LMNA: variants seen among roughly 807,000 people sequenced by gnomAD.
The protein encoded by LMNA is lamin.
Under a neutral mutation model 70.4 loss-of-function variants are expected in LMNA, and 20 were observed. The ratio of observed to expected loss-of-function variants is 0.28; its 90% CI spans 0.20 to 0.41. LMNA has a LOEUF of 0.41. Ranked by LOEUF, LMNA falls within the 10% of genes least tolerant of loss-of-function variation. The pLI is 1.00. For synonymous variants in LMNA, 339 were observed against 372.8 expected (o/e 0.91, Z 1.04); for missense variants, 652 against 917.2 (o/e 0.71, Z 3.73).
chr1:156,084,551 C>G (rs1171016231), intron 2 of LMNA, among the ~76,000 whole-genome samples: 1 of 152,086 alleles, frequency 6.6e-6, no homozygotes, highest in Admixed American at 6.5e-5. Context: ...ATTAGAGAGA[C>G]AGGGCCCTGG....
intron 1 of LMNA, among the ~76,000 whole-genome samples, chr1:156,116,238 G>A (rs1370406707): frequency 6.6e-6 from 1 of 152,132 alleles, no homozygotes; most frequent in Non-Finnish European, 1.5e-5. Flanking sequence ...AGCTGCTGAC[G>A]TTTTGATCTT....
intron 1 of LMNA, among the ~76,000 whole-genome samples, chr1:156,123,907 G>A (rs970674153): frequency 3.3e-5 from 5 of 152,148 alleles, no homozygotes; most frequent in Admixed American, 6.6e-5. Flanking sequence ...AGTTGCGTCT[G>A]AACATGTCAA....
chr1:156,105,386 G>A (rs888022063), intron 3 of LMNA, among the ~76,000 whole-genome samples: 3 of 116,514 alleles, frequency 2.6e-5, no homozygotes, highest in African/African-American at 9.2e-5. Flanking sequence ...CCCACAGGGC[G>A]GAGACCCCAG....
intron 1 of LMNA, among the ~76,000 whole-genome samples, chr1:156,121,921 G>A (rs1029086335): frequency 1.3e-4 from 20 of 152,046 alleles, no homozygotes; most frequent in African/African-American, 3.4e-4. Context: ...TTGAGAAGCC[G>A]AGGGGAACAG....
In LMNA at chr1:156,126,789, A is replaced by G. The variant is rs1650619705; in HGVS notation, c.357-3828A>G. ...CAGGATGCCCAGCCCTTCTCGCCTC[A>G]AGAGGCCACTGGGATGCAGCCACTC... On this transcript the variant is annotated intron_variant, in intron 1 of 11. Coordinates refer to ENST00000368300, the MANE Select transcript of LMNA (RefSeq NM_170707.4). The G allele has an allele frequency of 8.1e-6, 13 of 1,605,006 alleles. No individual in the cohort carries two copies. The East Asian group carries it at 2.7e-4, about 33-fold the overall frequency.
Position 156,136,495 on chromosome 1 carries a change from C to A in LMNA, c.1380+59C>A. On this transcript the variant is annotated intron_variant, in intron 7 of 11. Coordinates refer to ENST00000368300, the MANE Select transcript of LMNA (RefSeq NM_170707.4). This position sits in a 1 kb window ranked among gnomAD's most constrained non-coding sequence, Gnocchi z 6.1. ...CTGCATCAGGGAGAGAGTGGCAAGACAGAAGGATGGCATGTGGAGAGAGGA... is the reference window on the plus strand; with the variant it reads ...CTGCATCAGGGAGAGAGTGGCAAGAAAGAAGGATGGCATGTGGAGAGAGGA... 1 of 1,479,248 alleles carries A rather than the reference C, an allele frequency of 6.8e-7. No individual in the cohort carries two copies. The highest frequency in any genetic ancestry group is 9.2e-7 in the Non-Finnish European group (1 of 1,088,602). The allele number at this position is 1,479,248 out of a possible 1,614,324, so 91.6% of individuals were successfully genotyped here. A position where few individuals can be genotyped will look rare whatever the true frequency, so the allele number is the denominator to read the frequency against.
At chr1:156,084,130 A>G (rs1048458830) in intron 2 of LMNA, among the ~76,000 whole-genome samples, 1 of 152,142 alleles carries the variant, frequency 6.6e-6, no homozygotes, top group Non-Finnish European at 1.5e-5. Context: ...AGTGACTTGA[A>G]AAACAAAAAT....
chr1:156,114,868 C>A lies in LMNA; in HGVS notation c.-51C>A. 7.7e-7 allele frequency: 1 copy of A among 1,301,920 alleles called. No homozygotes were observed. The highest frequency in any genetic ancestry group is 1.0e-6 in the Non-Finnish European group (1 of 958,738). 80.6% of individuals were successfully genotyped at this position (1,301,920 alleles called of 1,614,324 possible). On this transcript the variant is annotated 5_prime_UTR_variant, in exon 1 of 12. Coordinates refer to ENST00000368300, the MANE Select transcript of LMNA (RefSeq NM_170707.4). Reference sequence around the variant, plus strand: ...TCTCTGTCCTTCGACCCGAGCCCCGCGCCCTTTCCGGGACCCCTGCCCCGC... The same window carrying A: ...TCTCTGTCCTTCGACCCGAGCCCCGAGCCCTTTCCGGGACCCCTGCCCCGC...
In LMNA at chr1:156,114,875, T is replaced by A. The variant is rs1185731069; in HGVS notation, c.-44T>A. 19 of 1,403,114 alleles carry A rather than the reference T, an allele frequency of 1.4e-5. No homozygotes were observed. Among genetic ancestry groups the A allele is most frequent in the Non-Finnish European group, 1.7e-5 (18 of 1,045,488 alleles). 86.9% of individuals were successfully genotyped at this position (1,403,114 alleles called of 1,614,324 possible). On this transcript the variant is annotated 5_prime_UTR_variant, in exon 1 of 12. Coordinates refer to ENST00000368300, the MANE Select transcript of LMNA (RefSeq NM_170707.4). ...CCTTCGACCCGAGCCCCGCGCCCTT[T>A]CCGGGACCCCTGCCCCGCGGGCAGC... is the stretch of plus-strand genomic sequence containing the variant.
intron 3 of LMNA, among the ~76,000 whole-genome samples, chr1:156,105,418 G>GC (rs1207661832): frequency 6.6e-6 from 1 of 151,924 alleles, no homozygotes; most frequent in Non-Finnish European, 1.5e-5. Context: ...CTACTTGGCA[G>GC]CCCCCCTCCC....
intron 3 of LMNA, among the ~76,000 whole-genome samples, chr1:156,105,633 A>G (rs978110207): frequency 1.3e-5 from 2 of 152,222 alleles, no homozygotes; most frequent in African/African-American, 4.8e-5. Context: ...AGCAAAGGAA[A>G]GTGAAGTTTC....
chr1:156,105,659 C>T (rs770140538), intron 3 of LMNA, among the ~76,000 whole-genome samples: 4 of 152,214 alleles, frequency 2.6e-5, no homozygotes, highest in Non-Finnish European at 5.9e-5. Flanking sequence ...CTCTCAGTTG[C>T]ACGGGCCCTT....
chr1:156,131,745 T>C (rs2102869728), intron 2 of LMNA, among the ~76,000 whole-genome samples: 1 of 152,342 alleles, frequency 6.6e-6, no homozygotes, highest in Non-Finnish European at 1.5e-5. Context: ...AAAGGAGGAC[T>C]GGAGTTGATC....
chr1:156,119,567 G>GC (rs1482093170), intron 1 of LMNA, among the ~76,000 whole-genome samples: 1 of 152,194 alleles, frequency 6.6e-6, no homozygotes, highest in Non-Finnish European at 1.5e-5. Context: ...GGTACCCCCT[G>GC]CCCCTTCTCT....
chr1:156,102,932 G>A (rs1340739066), intron 3 of LMNA, among the ~76,000 whole-genome samples: 1 of 152,168 alleles, frequency 6.6e-6, no homozygotes, highest in East Asian at 1.9e-4. Flanking sequence ...CCACCCTTCG[G>A]GTCTGCCTTA....
intron 1 of LMNA, chr1:156,123,046 A>C (rs1318796784): frequency 6.6e-6 from 1 of 152,244 alleles, no homozygotes; most frequent in Non-Finnish European, 1.5e-5. Flanking sequence ...TAGAGGGCAG[A>C]GTGGAGAGTG....
At position 156,138,126 on chromosome 1, in the gene LMNA, A is replaced by G; in HGVS notation, c.1699-362A>G. 3.8e-6 allele frequency: 2 copies of G among 524,184 alleles called. No individual in the cohort carries two copies. Among genetic ancestry groups the G allele is most frequent in the East Asian group, 3.4e-5 (1 of 29,414 alleles). 32.5% of individuals were successfully genotyped at this position (524,184 alleles called of 1,614,324 possible). A position where few individuals can be genotyped will look rare whatever the true frequency, so the allele number is the denominator to read the frequency against. The stretch of plus-strand genomic sequence containing the variant: ...TCATTTCCCTCATTTTTCCTGCAAG[A>G]ATGTTCTCTCTCATTCCTGACCGCC... On this transcript the variant is annotated intron_variant, in intron 10 of 11. Transcript: ENST00000368300. This position sits in a 1 kb window ranked among gnomAD's most constrained non-coding sequence, Gnocchi z 5.5.
At chr1:156,118,297 G>A (rs1442204834) in intron 1 of LMNA, among the ~76,000 whole-genome samples, 3 of 152,182 alleles carry the variant, frequency 2.0e-5, no homozygotes, top group African/African-American at 7.2e-5. Flanking sequence ...TCAAAACTTT[G>A]ATCGAGAAAC....
At chr1:156,107,364 A>G (rs1338848783) in intron 3 of LMNA, among the ~76,000 whole-genome samples, 1 of 152,164 alleles carries the variant, frequency 6.6e-6, no homozygotes, top group Non-Finnish European at 1.5e-5. Context: ...CCTGTCTCCC[A>G]TGGCAGCGTG....
Sources: allele counts gnomAD v4.1 joint callset (sites outside exome capture counted in the v4.1 genomes callset), GRCh38; gene constraint gnomAD v4.1.1; non-coding constraint Gnocchi (gnomAD v3.1); transcripts MANE v1.5; gene names NCBI Gene and HGNC (gene_info 2026-07-23, HGNC 2026-07-21).